Variants in KIF4A observed in about 807,000 individuals in gnomAD.
KIF4A encodes the protein chromosome-associated kinesin KIF4A.
In KIF4A, 7 loss-of-function variants were observed where a neutral mutation model predicts 105.9. That is an observed-to-expected ratio of 0.07 (90% CI 0.04 to 0.12). The LOEUF (loss-of-function observed/expected upper bound fraction) is 0.12. KIF4A is among the 10% of genes least tolerant of loss of function. The pLI, the probability that KIF4A is intolerant of heterozygous loss-of-function variation, is 1.00. For missense variants in KIF4A, 558 were observed against 929.2 expected (o/e 0.60, Z 5.19); for synonymous variants, 281 against 331.3 (o/e 0.85, Z 1.65).
chrX:70,299,296 G>A, intron 5 of KIF4A, 94 bp downstream of exon 5: 1 of 670,738 alleles, frequency 1.5e-6, no homozygotes, highest in East Asian at 3.5e-5. Flanking sequence ...GGTTTTAAAT[G>A]ACTACTATCA....
chrX:70,349,890 G>A (rs2086019530), intron 13 of KIF4A, among the ~76,000 whole-genome samples: 1 of 95,891 alleles, frequency 1.0e-5, no homozygotes, highest in Non-Finnish European at 2.1e-5. Context: ...CCTAGACGGG[G>A]TGGCGGCCGG....
chrX:70,360,691 C>G (rs964440749), intron 15 of KIF4A, among the ~76,000 whole-genome samples: 2 of 113,008 alleles, frequency 1.8e-5, no homozygotes, highest in Non-Finnish European at 3.8e-5. Flanking sequence ...ACTGGCTCGT[C>G]CTAGCCATGT....
chrX:70,399,249 A>G (rs1230134898), intron 22 of KIF4A, among the ~76,000 whole-genome samples: 1 of 111,866 alleles, frequency 8.9e-6, no homozygotes, highest in Non-Finnish European at 1.9e-5. Flanking sequence ...CATCATTTTT[A>G]CTTAAATGAA....
chrX:70,364,974 A>T (rs2086094911), intron 15 of KIF4A, among the ~76,000 whole-genome samples: 1 of 111,052 alleles, frequency 9.0e-6, no homozygotes, highest in Non-Finnish European at 1.9e-5. Context: ...TGTAAGTTGG[A>T]TTCCTAGGTA....
intron 13 of KIF4A, among the ~76,000 whole-genome samples, chrX:70,345,652 G>A (rs2085989470): frequency 9.0e-6 from 1 of 110,977 alleles, no homozygotes; most frequent in South Asian, 3.8e-4. Flanking sequence ...GAAACTTTTG[G>A]TTGGAGATTG....
At chrX:70,328,499 G>T (rs1169579473) in intron 7 of KIF4A, among the ~76,000 whole-genome samples, 2 of 111,889 alleles carry the variant, frequency 1.8e-5, no homozygotes, top group African/African-American at 6.5e-5. Flanking sequence ...AGTTTCAAAC[G>T]TGAATTTTGG....
intron 18 of KIF4A, among the ~76,000 whole-genome samples, chrX:70,383,641 C>T (rs1352907476): frequency 1.8e-5 from 2 of 112,081 alleles, no homozygotes; most frequent in Non-Finnish European, 1.9e-5. Context: ...CCAACATGTC[C>T]ATCAACTGAT....
chrX:70,296,167 C>T (rs966826309), intron 3 of KIF4A, among the ~76,000 whole-genome samples: 3 of 92,531 alleles, frequency 3.2e-5, no homozygotes, highest in Non-Finnish European at 6.2e-5. Flanking sequence ...TCACTGTAAC[C>T]TCTGCCTCCC....
intron 22 of KIF4A, among the ~76,000 whole-genome samples, chrX:70,402,062 C>T (rs974866327): frequency 1.1e-4 from 12 of 111,611 alleles, no homozygotes; most frequent in Admixed American, 7.6e-4. Context: ...AGAAACTTCT[C>T]GGTCTTGTGG....
intron 28 of KIF4A, among the ~76,000 whole-genome samples, chrX:70,413,584 C>T (rs1184130708): frequency 3.9e-5 from 4 of 102,755 alleles, no homozygotes; most frequent in Non-Finnish European, 7.8e-5. Flanking sequence ...GAGCTGAGAT[C>T]TCGCCACTGC....
At chrX:70,302,216 A>G in intron 6 of KIF4A, 88 bp from the exon 7 acceptor site, 1 of 1,117,993 alleles carries the variant, frequency 8.9e-7, no homozygotes, top group Non-Finnish European at 1.2e-6. Context: ...GACTTGAAAG[A>G]AAATGAGAGC....
chrX:70,353,913 T>C, intron 15 of KIF4A, 106 bp downstream of exon 15: 1 of 640,280 alleles, frequency 1.6e-6, no homozygotes. Context: ...GACAACAAAA[T>C]GTATATAGTA....
chrX:70,299,835 A>G (rs1041269982), intron 5 of KIF4A, among the ~76,000 whole-genome samples: 2 of 112,421 alleles, frequency 1.8e-5, no homozygotes, highest in African/African-American at 6.5e-5. Flanking sequence ...TGTAAGTATC[A>G]TAGGAAGAAG....
chrX:70,365,148 A>C (rs1299121882), intron 15 of KIF4A, among the ~76,000 whole-genome samples: 2 of 111,885 alleles, frequency 1.8e-5, no homozygotes, highest in Non-Finnish European at 1.9e-5. Context: ...ATGTGCTGAG[A>C]CGATGGAGTT....
intron 15 of KIF4A, among the ~76,000 whole-genome samples, chrX:70,373,779 T>C (rs1192139588): frequency 1.2e-5 from 1 of 82,704 alleles, no homozygotes; most frequent in Non-Finnish European, 2.3e-5. Context: ...TATATACACA[T>C]ATATATACAT....
intron 9 of KIF4A, among the ~76,000 whole-genome samples, chrX:70,332,084 G>A (rs764540656): frequency 2.5e-4 from 28 of 112,245 alleles, no homozygotes; most frequent in Admixed American, 2.5e-3. Context: ...GGAAATATCA[G>A]GTAGATAGTT....
intron 7 of KIF4A, among the ~76,000 whole-genome samples, chrX:70,310,311 T>TTGTGTGTGTGTGTGTG (rs1555945529): frequency 3.5e-5 from 3 of 86,287 alleles, no homozygotes; most frequent in African/African-American, 1.4e-4. Flanking sequence ...CTCAAAATGG[T>TTGTGTGTGTGTGTGTG]TGTGTGTGTG....
At chrX:70,320,616 A>G in intron 7 of KIF4A, among the ~76,000 whole-genome samples, 1 of 112,162 alleles carries the variant, frequency 8.9e-6, no homozygotes, top group Admixed American at 9.4e-5. Flanking sequence ...TGTGGGAGCT[A>G]AAAACAAGGG....
At chrX:70,327,867 G>A (rs2069237851) in intron 7 of KIF4A, among the ~76,000 whole-genome samples, 1 of 111,883 alleles carries the variant, frequency 8.9e-6, no homozygotes, top group South Asian at 3.8e-4. Flanking sequence ...GGTGAGAATG[G>A]TAGAAGATCA....
Sources: gnomAD v4.1 joint callset for allele counts (sites outside exome capture counted in the v4.1 genomes callset) on GRCh38, gnomAD v4.1.1 for gene constraint, MANE v1.5 for transcripts, NCBI Gene and HGNC (gene_info 2026-07-23, HGNC 2026-07-21) for gene names.